ADAMTS16: variants seen among roughly 807,000 people sequenced by gnomAD.
The protein encoded by ADAMTS16 is ADAM metallopeptidase with thrombospondin type 1 motif 16.
Under a neutral mutation model 145.8 loss-of-function variants are expected in ADAMTS16, and 94 were observed. The observed-to-expected ratio is 0.64, with a 90% CI of 0.55 to 0.77. The LOEUF (loss-of-function observed/expected upper bound fraction) is 0.77, where lower values mean the gene tolerates loss of function less well. Ranked by LOEUF, ADAMTS16 falls within the 30% of genes least tolerant of loss-of-function variation. The pLI is 0.00. For synonymous variants in ADAMTS16, 659 were observed against 604.3 expected (o/e 1.09, Z -1.33); for missense variants, 1,585 against 1,591.5 (o/e 1.00, Z 0.07).
At chr5:5,305,682 G>C (rs1444194973) in intron 20 of ADAMTS16, among the ~76,000 whole-genome samples, 2 of 152,238 alleles carry the variant, frequency 1.3e-5, no homozygotes, top group Admixed American at 1.3e-4. Flanking sequence ...GTGAGTGCAA[G>C]GTCAGGACCT....
intron 8 of ADAMTS16, among the ~76,000 whole-genome samples, chr5:5,193,995 G>T (rs1025172531): frequency 6.6e-6 from 1 of 152,074 alleles, no homozygotes; most frequent in African/African-American, 2.4e-5. Flanking sequence ...CCAGCTACTT[G>T]GGAGGCTGAG....
chr5:5,254,046 C>A (rs1737710200), intron 17 of ADAMTS16, among the ~76,000 whole-genome samples: 1 of 152,146 alleles, frequency 6.6e-6, no homozygotes, highest in Admixed American at 6.5e-5. Flanking sequence ...TGAAGGGCAC[C>A]TTTGCTTGGT....
intron 15 of ADAMTS16, 137 bp downstream of exon 15, chr5:5,239,411 C>T: frequency 2.3e-6 from 3 of 1,330,074 alleles, no homozygotes; most frequent in South Asian, 3.1e-5. Flanking sequence ...TGGCGCTTTG[C>T]TTCTCGAGCC....
intron 18 of ADAMTS16, among the ~76,000 whole-genome samples, chr5:5,273,010 G>C (rs1346716990): frequency 1.3e-5 from 2 of 152,112 alleles, no homozygotes; most frequent in African/African-American, 4.8e-5. Context: ...CCCTTCCAGA[G>C]TCATTAGAGC....
intron 18 of ADAMTS16, among the ~76,000 whole-genome samples, chr5:5,299,872 C>G (rs1739701194): frequency 6.6e-6 from 1 of 152,264 alleles, no homozygotes; most frequent in Non-Finnish European, 1.5e-5. Flanking sequence ...CAACTGAACA[C>G]AGCTTGTTAC....
At chr5:5,175,661 C>T (rs1196886868) in intron 3 of ADAMTS16, among the ~76,000 whole-genome samples, 7 of 152,196 alleles carry the variant, frequency 4.6e-5, no homozygotes, top group Non-Finnish European at 1.0e-4. Context: ...AGTGGCAAGG[C>T]TTACTGGATC....
At chr5:5,309,955 G>T (rs561843174) in intron 21 of ADAMTS16, among the ~76,000 whole-genome samples, 2 of 152,170 alleles carry the variant, frequency 1.3e-5, no homozygotes, top group African/African-American at 4.8e-5. Flanking sequence ...TCCCAGTCAG[G>T]TGGCCAGGTC....
rs745492958 is a variant in ADAMTS16, at chr5:5,235,147, G to C, written c.1984G>C (p.Gly662Arg). 3.1e-6 allele frequency: 5 copies of C among 1,590,428 alleles called. No homozygotes were observed. The highest frequency in any genetic ancestry group is 4.3e-6 in the Non-Finnish European group (5 of 1,161,016). ...CGAGCACAACAGCAGACGATTCAGAGGGCGGCACTACAAGTGGAAGCCTTA... is the reference window on the plus strand; with the variant it reads ...CGAGCACAACAGCAGACGATTCAGACGGCGGCACTACAAGTGGAAGCCTTA... Reference protein sequence around the residue: ...CAEHNSRRFRGRHYKWKPYTQ... With the variant: ...CAEHNSRRFRRRHYKWKPYTQ... Residue 662 changes from glycine to arginine, a missense_variant, in exon 13 of 23, where the codon GGG becomes CGG. Physicochemically the swap from Gly to Arg is moderately radical, Grantham distance 125. Coordinates refer to ENST00000274181, the MANE Select transcript of ADAMTS16 (RefSeq NM_139056.4).
At chr5:5,218,862 C>T (rs988252977) in intron 10 of ADAMTS16, among the ~76,000 whole-genome samples, 1 of 152,252 alleles carries the variant, frequency 6.6e-6, no homozygotes, top group Non-Finnish European at 1.5e-5. Flanking sequence ...TCCTCTGCCA[C>T]GTCATTCATC....
chr5:5,319,337 A>G lies in ADAMTS16; in HGVS notation c.*199A>G, dbSNP rs1197921110. Reference sequence around the variant, plus strand: ...TGCAGACCTGTGTCCCCATGCACACAGTGTCTCCTGTCAGGCTGAAATGTG... The same window carrying G: ...TGCAGACCTGTGTCCCCATGCACACGGTGTCTCCTGTCAGGCTGAAATGTG... On this transcript the variant is annotated 3_prime_UTR_variant, in exon 23 of 23. Transcript: ENST00000274181. The G allele has an allele frequency of 1.1e-5, 6 of 560,522 alleles. No individual in the cohort carries two copies. The highest frequency in any genetic ancestry group is 1.9e-5 in the Non-Finnish European group (6 of 311,840). 34.7% of individuals were successfully genotyped at this position (560,522 alleles called of 1,614,324 possible). A position where few individuals can be genotyped will look rare whatever the true frequency, so the allele number is the denominator to read the frequency against.
chr5:5,196,654 A>G (rs1735815018), intron 8 of ADAMTS16, among the ~76,000 whole-genome samples: 1 of 152,210 alleles, frequency 6.6e-6, no homozygotes, highest in Admixed American at 6.5e-5. Context: ...TCCCATACAC[A>G]TGCATGCACA....
intron 18 of ADAMTS16, 70 bp from the exon 19 acceptor site, chr5:5,303,198 T>A: frequency 6.9e-7 from 1 of 1,440,682 alleles, no homozygotes; most frequent in Non-Finnish European, 9.2e-7. Context: ...TGCCTCCACA[T>A]CAGATGTGGG....
intron 18 of ADAMTS16, among the ~76,000 whole-genome samples, chr5:5,289,651 G>T (rs536537354): frequency 1.3e-5 from 2 of 152,226 alleles, no homozygotes; most frequent in Admixed American, 1.3e-4. Context: ...TAAATCAGCA[G>T]GTGGCAACCT....
chr5:5,196,000 G>A (rs1560944005), intron 8 of ADAMTS16, among the ~76,000 whole-genome samples: 4 of 152,004 alleles, frequency 2.6e-5, no homozygotes, highest in Admixed American at 2.0e-4. Context: ...GCCCAAGGTG[G>A]GTGGATCATG....
intron 12 of ADAMTS16, among the ~76,000 whole-genome samples, chr5:5,233,749 G>A (rs1737009531): frequency 6.6e-6 from 1 of 152,128 alleles, no homozygotes; most frequent in African/African-American, 2.4e-5. Flanking sequence ...ACATTGATGG[G>A]CGTTTAGGTT....
At chr5:5,273,029 G>A (rs1579365767) in intron 18 of ADAMTS16, among the ~76,000 whole-genome samples, 1 of 152,282 alleles carries the variant, frequency 6.6e-6, no homozygotes, top group Admixed American at 6.5e-5. Context: ...GCTTTGTTCT[G>A]TAGATCCCAA....
chr5:5,225,462 G>A (rs1350980109), intron 11 of ADAMTS16, among the ~76,000 whole-genome samples: 1 of 152,136 alleles, frequency 6.6e-6, no homozygotes, highest in Admixed American at 6.5e-5. Context: ...ACTTAGCTGG[G>A]CGTTGTGGCG....
At chr5:5,207,378 C>T (rs1021929567) in intron 9 of ADAMTS16, among the ~76,000 whole-genome samples, 2 of 152,026 alleles carry the variant, frequency 1.3e-5, no homozygotes, top group African/African-American at 4.8e-5. Context: ...TTGACTTTTG[C>T]ATATTAAGCT....
intron 3 of ADAMTS16, among the ~76,000 whole-genome samples, chr5:5,171,966 G>T (rs1163207795): frequency 1.3e-5 from 2 of 152,084 alleles, no homozygotes; most frequent in Non-Finnish European, 2.9e-5. Context: ...GTCTGTTCAG[G>T]TTTTGGATTT....
Sources: allele counts gnomAD v4.1 joint callset (sites outside exome capture counted in the v4.1 genomes callset), GRCh38; gene constraint gnomAD v4.1.1; transcripts MANE v1.5; gene names NCBI Gene and HGNC (gene_info 2026-07-23, HGNC 2026-07-21).